Variants in ARMC8 observed in about 807,000 individuals in gnomAD.
ARMC8 encodes armadillo repeat containing 8, also known as armadillo repeat-containing protein 8.
Under a neutral mutation model 99.3 loss-of-function variants are expected in ARMC8, and 20 were observed. That is an observed-to-expected ratio of 0.20 (90% CI 0.14 to 0.29). The LOEUF is 0.29. Among genes scored for constraint, ARMC8 ranks in the 10% least tolerant of loss-of-function variants. ARMC8 has a pLI of 1.00. For missense variants in ARMC8, 569 were observed against 809.5 expected (o/e 0.70, Z 3.60); for synonymous variants, 263 against 278.3 (o/e 0.95, Z 0.55).
intron 19 of ARMC8, among the ~76,000 whole-genome samples, chr3:138,288,677 C>T (rs1166852294): frequency 1.4e-5 from 2 of 138,578 alleles, no homozygotes; most frequent in Admixed American, 7.9e-5. Context: ...CTCGCTCTGT[C>T]ACCCAGGCTG....
At chr3:138,245,778 C>T in intron 12 of ARMC8, 1 of 986,386 alleles carries the variant, frequency 1.0e-6, no homozygotes, top group Non-Finnish European at 1.2e-6. Flanking sequence ...CCTAGTCTAA[C>T]ACTGAACTCA....
intron 12 of ARMC8, chr3:138,263,372 T>C (rs1054474677): frequency 9.0e-6 from 2 of 221,128 alleles, no homozygotes; most frequent in African/African-American, 2.3e-5. Flanking sequence ...GTGATTTCTT[T>C]AGAACCTCAC....
At chr3:138,265,090 T>C (rs968432760) in intron 14 of ARMC8, among the ~76,000 whole-genome samples, 2 of 151,912 alleles carry the variant, frequency 1.3e-5, no homozygotes, top group Non-Finnish European at 2.9e-5. Flanking sequence ...TGAGACAAGG[T>C]CTCGCCAAGT....
At chr3:138,212,378 C>T (rs1394195509) in intron 2 of ARMC8, among the ~76,000 whole-genome samples, 3 of 148,854 alleles carry the variant, frequency 2.0e-5, no homozygotes, top group Non-Finnish European at 3.0e-5. Context: ...GGCGCGATCT[C>T]GGCTCACCGC....
chr3:138,260,072 G>A (rs1474081704), intron 12 of ARMC8, among the ~76,000 whole-genome samples: 1 of 152,112 alleles, frequency 6.6e-6, no homozygotes, highest in Admixed American at 6.5e-5. Context: ...CTTCCTCACC[G>A]TTTTGTTTTT....
chr3:138,254,308 G>A (rs1230931194), intron 12 of ARMC8, among the ~76,000 whole-genome samples: 4 of 152,188 alleles, frequency 2.6e-5, no homozygotes, highest in Non-Finnish European at 5.9e-5. Flanking sequence ...GCAGTACCTG[G>A]CATATTGTAG....
chr3:138,234,260 C>G (rs1003361679), intron 6 of ARMC8, among the ~76,000 whole-genome samples: 1 of 151,978 alleles, frequency 6.6e-6, no homozygotes, highest in East Asian at 1.9e-4. Context: ...TACAGGCATG[C>G]GCCACCAAAC....
intron 12 of ARMC8, among the ~76,000 whole-genome samples, chr3:138,248,628 G>C (rs987365180): frequency 6.6e-6 from 1 of 152,170 alleles, no homozygotes; most frequent in Non-Finnish European, 1.5e-5. Flanking sequence ...TTTTGAGATA[G>C]ATTCTTCTAT....
chr3:138,262,317 C>T (rs932966248), intron 12 of ARMC8: 23 of 533,388 alleles, frequency 4.3e-5, no homozygotes, highest in Admixed American at 9.6e-5. Flanking sequence ...TGGTCTAGGG[C>T]GAGGAGTAGA....
intron 1 of ARMC8, among the ~76,000 whole-genome samples, chr3:138,205,416 C>A (rs1340161258): frequency 6.6e-6 from 1 of 152,140 alleles, no homozygotes; most frequent in Non-Finnish European, 1.5e-5. Flanking sequence ...CTCTCACACC[C>A]TACATCGAGT....
intron 1 of ARMC8, among the ~76,000 whole-genome samples, chr3:138,194,697 T>G (rs1438190597): frequency 6.6e-6 from 1 of 152,078 alleles, no homozygotes; most frequent in Non-Finnish European, 1.5e-5. Flanking sequence ...ATTCCAAATC[T>G]GGATATTCCT....
intron 2 of ARMC8, among the ~76,000 whole-genome samples, chr3:138,221,022 A>T (rs1342937241): frequency 1.3e-5 from 2 of 151,848 alleles, no homozygotes; most frequent in Non-Finnish European, 2.9e-5. Context: ...TATTAGTAGT[A>T]CTGGGTTTAT....
intron 12 of ARMC8, among the ~76,000 whole-genome samples, chr3:138,252,528 A>C (rs2047170723): frequency 6.9e-6 from 1 of 144,122 alleles, no homozygotes; most frequent in South Asian, 2.1e-4. Flanking sequence ...ATCTCGGCTC[A>C]CTGCAGCCTC....
intron 1 of ARMC8, among the ~76,000 whole-genome samples, chr3:138,207,056 G>T (rs1009854712): frequency 1.2e-4 from 18 of 152,278 alleles, no homozygotes; most frequent in African/African-American, 3.6e-4. Context: ...TCTATCCTCT[G>T]TTCTTTTCAG....
chr3:138,189,574 C>T (rs2043260430), intron 1 of ARMC8, among the ~76,000 whole-genome samples: 1 of 152,140 alleles, frequency 6.6e-6, no homozygotes, highest in African/African-American at 2.4e-5. Context: ...GTATTGTATA[C>T]GTTAGAGAAT....
rs910225482 is a variant in ARMC8 at position 138,203,401 on chromosome 3, T to C, written c.46-6416T>C. ...TCTGGCCCAAGATCTCTTATGTGGT[T>C]GCAGTGAGGGTGTCAGCAGGAGTCA... On this transcript the variant is annotated intron_variant, in intron 1 of 21. Coordinates refer to ENST00000469044, the MANE Select transcript of ARMC8 (RefSeq NM_001363941.2). Among the ~76,000 whole-genome samples the C allele has an allele frequency of 7.2e-5, 11 of 152,196 alleles. 1 individual carries two copies. The South Asian group carries it at 2.1e-3, about 29-fold the overall frequency.
intron 12 of ARMC8, among the ~76,000 whole-genome samples, chr3:138,252,530 T>G (rs2047170872): frequency 6.7e-6 from 1 of 149,930 alleles, no homozygotes; most frequent in Non-Finnish European, 1.5e-5. Context: ...CTCGGCTCAC[T>G]GCAGCCTCCG....
intron 10 of ARMC8, among the ~76,000 whole-genome samples, chr3:138,240,673 G>A (rs575340555): frequency 1.8e-4 from 27 of 152,314 alleles, no homozygotes; most frequent in Non-Finnish European, 7.4e-5. Flanking sequence ...AGTGAACGAT[G>A]AAGTGCTAAG....
rs376375211 is a variant in ARMC8, at chr3:138,284,449, A to C, written c.1744A>C (p.Asn582His). 3 of 1,613,528 alleles carry C rather than the reference A, an allele frequency of 1.9e-6. No individual in the cohort carries two copies. The African/African-American group carries it at 4.0e-5, about 22-fold the overall frequency. Residue 582 changes from asparagine (N) to histidine (H), a missense_variant, in exon 19 of 22, where the codon AAC becomes CAC. Physicochemically the swap from Asn to His is moderately conservative, Grantham distance 68. Transcript: ENST00000469044. The stretch of plus-strand genomic sequence containing the variant: ...TTTCCAGACACTGTGCATCTTAGCC[A>C]ACATAGCGGATGGGACAACAGCAAA... ...VKEQTLCILANIADGTTAKDL... is the reference protein window; with the variant it reads ...VKEQTLCILAHIADGTTAKDL...
Sources: gnomAD v4.1 joint callset for allele counts (sites outside exome capture counted in the v4.1 genomes callset) on GRCh38, gnomAD v4.1.1 for gene constraint, MANE v1.5 for transcripts, NCBI Gene and HGNC (gene_info 2026-07-23, HGNC 2026-07-21) for gene names.